CHM: variants seen among roughly 807,000 people sequenced by gnomAD.
CHM encodes the protein CHM Rab escort protein.
A neutral mutation model predicts 49.0 loss-of-function variants in CHM; 10 were observed. The ratio of observed to expected loss-of-function variants is 0.20; its 90% CI spans 0.13 to 0.35. The LOEUF is 0.35. Among genes scored for constraint, CHM ranks in the 10% least tolerant of loss-of-function variants. The pLI is 1.00. For missense variants in CHM, 455 were observed against 478.4 expected (o/e 0.95, Z 0.46); for synonymous variants, 184 against 167.5 (o/e 1.10, Z -0.76).
At chrX:85,993,363 C>T (rs1433514151) in intron 2 of CHM, among the ~76,000 whole-genome samples, 1 of 111,518 alleles carries the variant, frequency 9.0e-6, no homozygotes, top group Admixed American at 9.5e-5. Context: ...ATTCCTTCCT[C>T]ACATATCCAT....
intron 8 of CHM, among the ~76,000 whole-genome samples, chrX:85,925,806 T>C (rs1008111195): frequency 8.9e-6 from 1 of 111,804 alleles, no homozygotes; most frequent in South Asian, 3.7e-4. Flanking sequence ...TTCATGGCTA[T>C]GTTCAGGATT....
chrX:85,942,880 A>G (rs1929197308), intron 8 of CHM, among the ~76,000 whole-genome samples: 1 of 105,561 alleles, frequency 9.5e-6, no homozygotes, highest in Admixed American at 1.0e-4. Flanking sequence ...ATTTAACATT[A>G]GGTATATCTC....
intron 4 of CHM, among the ~76,000 whole-genome samples, chrX:85,964,644 G>A (rs188766910): frequency 8.9e-6 from 1 of 111,960 alleles, no homozygotes; most frequent in African/African-American, 3.2e-5. Flanking sequence ...TCAATAAAGG[G>A]AAAAATATCT....
chrX:85,870,254 A>G (rs1404376829), intron 14 of CHM, among the ~76,000 whole-genome samples: 2 of 112,285 alleles, frequency 1.8e-5, no homozygotes, highest in Admixed American at 1.9e-4. Flanking sequence ...AGAATCTGAC[A>G]CACAGAAAGT....
chrX:86,031,391 T>C (rs1210545010), intron 1 of CHM, among the ~76,000 whole-genome samples: 1 of 111,867 alleles, frequency 8.9e-6, no homozygotes, highest in Non-Finnish European at 1.9e-5. Context: ...CAAATTATAG[T>C]ATCTGAACTT....
intron 14 of CHM, among the ~76,000 whole-genome samples, chrX:85,870,126 G>A (rs1230661053): frequency 2.7e-5 from 3 of 111,479 alleles, no homozygotes; most frequent in Non-Finnish European, 5.6e-5. Context: ...CTCTGGACAA[G>A]TTATTCAGCC....
At chrX:86,032,163 C>T (rs1416390104) in intron 1 of CHM, among the ~76,000 whole-genome samples, 4 of 112,015 alleles carry the variant, frequency 3.6e-5, no homozygotes, top group South Asian at 3.7e-4. Flanking sequence ...GAAACATGTA[C>T]GTGCTTATTT....
chrX:85,944,671 C>T (rs1177615149), intron 8 of CHM, among the ~76,000 whole-genome samples: 1 of 112,159 alleles, frequency 8.9e-6, no homozygotes, highest in Non-Finnish European at 1.9e-5. Flanking sequence ...GAAGCTTATA[C>T]ACTGCTGGTG....
At chrX:85,977,620 G>A (rs772353278) in intron 4 of CHM, among the ~76,000 whole-genome samples, 1 of 112,188 alleles carries the variant, frequency 8.9e-6, no homozygotes, top group Non-Finnish European at 1.9e-5. Context: ...ACAAAAGCAC[G>A]TAAGAAAGTT....
intron 8 of CHM, among the ~76,000 whole-genome samples, chrX:85,923,077 CT>C (rs1927885255): frequency 1.8e-5 from 2 of 111,872 alleles, no homozygotes; most frequent in South Asian, 7.5e-4. Context: ...AAGAGATCAA[CT>C]CGTGGGGGTG....
chrX:85,922,229 A>G (rs760616662), intron 8 of CHM, among the ~76,000 whole-genome samples: 3 of 112,737 alleles, frequency 2.7e-5, no homozygotes, highest in Non-Finnish European at 5.6e-5. Flanking sequence ...AATATGCAAT[A>G]TAAATATGTA....
intron 8 of CHM, among the ~76,000 whole-genome samples, chrX:85,934,125 G>GGC (rs1928612982): frequency 4.6e-5 from 5 of 108,694 alleles, no homozygotes; most frequent in Non-Finnish European, 7.6e-5. Flanking sequence ...GGACTACAAA[G>GGC]GCCTGCCACT....
At chrX:85,950,009 A>ATATATATATATATATATATATATC (rs1569422903) in intron 8 of CHM, among the ~76,000 whole-genome samples, 6 of 81,280 alleles carry the variant, frequency 7.4e-5, no homozygotes, top group African/African-American at 1.9e-4. Context: ...ATATATATAT[A>ATATATATATATATATATATATATC]TCTTGTAATG....
intron 9 of CHM, among the ~76,000 whole-genome samples, chrX:85,907,119 G>A (rs993006363): frequency 9.0e-6 from 1 of 111,411 alleles, no homozygotes; most frequent in African/African-American, 3.3e-5. Flanking sequence ...AACAAAGCGA[G>A]ACTCTGTCTC....
intron 2 of CHM, among the ~76,000 whole-genome samples, chrX:86,008,374 T>C (rs976081097): frequency 9.0e-6 from 1 of 110,752 alleles, no homozygotes; most frequent in Non-Finnish European, 1.9e-5. Flanking sequence ...AACCTGCACG[T>C]TGTGTACATG....
intron 8 of CHM, among the ~76,000 whole-genome samples, chrX:85,914,118 A>C (rs1927308433): frequency 9.0e-6 from 1 of 111,289 alleles, no homozygotes; most frequent in Non-Finnish European, 1.9e-5. Context: ...AGCCCCATGG[A>C]CATTTGAGAT....
chrX:85,894,132 C>G (rs748939146), intron 12 of CHM, 56 bp downstream of exon 12: 1 of 851,504 alleles, frequency 1.2e-6, no homozygotes, highest in Non-Finnish European at 1.8e-6. Flanking sequence ...GTAATAACTG[C>G]CCCCTTTACC....
intron 12 of CHM, among the ~76,000 whole-genome samples, chrX:85,893,425 GA>G (rs895620218): frequency 1.8e-5 from 2 of 111,809 alleles, no homozygotes; most frequent in African/African-American, 6.5e-5. Context: ...ATTTATACAT[GA>G]AAAAAGTTCA....
chrX:85,951,932 G>A (rs759566602), intron 8 of CHM, among the ~76,000 whole-genome samples: 3 of 111,945 alleles, frequency 2.7e-5, no homozygotes, highest in Admixed American at 9.4e-5. Flanking sequence ...TAGCAACTGG[G>A]GGATGTAGCA....
Sources: allele counts gnomAD v4.1 joint callset (sites outside exome capture counted in the v4.1 genomes callset), GRCh38; gene constraint gnomAD v4.1.1; transcripts MANE v1.5; gene names NCBI Gene and HGNC (gene_info 2026-07-23, HGNC 2026-07-21).